GRXCR2: variants seen among roughly 807,000 people sequenced by gnomAD.
The protein encoded by GRXCR2 is glutaredoxin and cysteine rich domain containing 2.
GRXCR2 carries 23 observed loss-of-function variants against 24.8 expected under a neutral mutation model. The observed-to-expected ratio is 0.93, with a 90% CI of 0.67 to 1.32. The LOEUF (loss-of-function observed/expected upper bound fraction) is 1.32. Ranked by LOEUF, GRXCR2 falls within the 40% of genes most tolerant of loss-of-function variation. GRXCR2 has a pLI of 0.00. For synonymous variants in GRXCR2, 130 were observed against 116.1 expected (o/e 1.12, Z -0.77); for missense variants, 315 against 303.4 (o/e 1.04, Z -0.28).
chr5:145,930,209 C>T (rs763887866), intron 2 of GRXCR2, among the ~76,000 whole-genome samples: 15 of 152,134 alleles, frequency 9.9e-5, no homozygotes, highest in Admixed American at 2.0e-4. Flanking sequence ...CTCAGCCTCC[C>T]AAGTAGCTGG....
chr5:145,908,914 C>G (rs1757125428), intron 2 of GRXCR2, among the ~76,000 whole-genome samples: 1 of 152,140 alleles, frequency 6.6e-6, no homozygotes, highest in Non-Finnish European at 1.5e-5. Flanking sequence ...GGGCACTGAC[C>G]CAAGACTTCT....
intron 2 of GRXCR2, among the ~76,000 whole-genome samples, chr5:145,900,236 T>C (rs1010690033): frequency 6.6e-6 from 1 of 152,026 alleles, no homozygotes; most frequent in African/African-American, 2.4e-5. Flanking sequence ...TAGTGAGTTC[T>C]TACGAGATCT....
chr5:145,917,189 T>A (rs1201761018), intron 2 of GRXCR2, among the ~76,000 whole-genome samples: 1 of 150,614 alleles, frequency 6.6e-6, no homozygotes, highest in Non-Finnish European at 1.5e-5. Context: ...TGCCTGTTAC[T>A]CCCACTCGCC....
rs140713353 is a variant in GRXCR2 at position 145,866,588 on chromosome 5, G to A, written c.477C>T (p.Asn159=). ...EEEAEEESLM[N]KEESYGGRDQ... The stretch of plus-strand genomic sequence containing the variant: ...CCCTGCCTCCATAGCTTTCTTCTTT[G>A]TTCATCAGAGACTCTTCCTCAGCCT... The change falls in exon 2 of 3, where the codon AAC becomes AAT. Residue 159 remains asparagine, a synonymous_variant. Transcript: ENST00000377976. The A allele has an allele frequency of 6.8e-6, 11 of 1,613,952 alleles. No individual in the cohort carries two copies. The African/African-American group carries it at 1.1e-4, about 16-fold the overall frequency.
At chr5:145,870,174 T>C (rs1019885340) in intron 1 of GRXCR2, among the ~76,000 whole-genome samples, 18 of 152,298 alleles carry the variant, frequency 1.2e-4, no homozygotes, top group African/African-American at 4.3e-4. Context: ...CCACCATTCA[T>C]CTCCAGAACG....
chr5:145,912,108 G>A (rs1757174597), intron 2 of GRXCR2, among the ~76,000 whole-genome samples: 2 of 152,188 alleles, frequency 1.3e-5, no homozygotes, highest in African/African-American at 2.4e-5. Flanking sequence ...AAAATAGGGT[G>A]TCACCTGACA....
chr5:145,866,585 T>C lies in GRXCR2; in HGVS notation c.480A>G (p.Lys160=), dbSNP rs778489752. The C allele has an allele frequency of 8.7e-6, 14 of 1,614,182 alleles. No individual in the cohort carries two copies. The highest frequency in any genetic ancestry group is 1.2e-5 in the Non-Finnish European group (14 of 1,180,008). ...GGTCCCTGCCTCCATAGCTTTCTTC[T>C]TTGTTCATCAGAGACTCTTCCTCAG... ...EEAEEESLMN[K]EESYGGRDQH... The change falls in exon 2 of 3, where the codon AAA becomes AAG. Residue 160 remains lysine, a synonymous_variant. Coordinates refer to ENST00000377976, the MANE Select transcript of GRXCR2 (RefSeq NM_001080516.2).
intron 2 of GRXCR2, among the ~76,000 whole-genome samples, chr5:145,895,231 G>A (rs1218494766): frequency 6.6e-6 from 1 of 151,994 alleles, no homozygotes; most frequent in Non-Finnish European, 1.5e-5. Context: ...GCACAAGACA[G>A]GGATGCCCTC....
chr5:145,925,528 C>A (rs1039204556), intron 2 of GRXCR2, among the ~76,000 whole-genome samples: 1 of 152,110 alleles, frequency 6.6e-6, no homozygotes, highest in South Asian at 2.1e-4. Flanking sequence ...TTCCAAGTCG[C>A]AAGCTTTCTC....
At chr5:145,878,096 G>C (rs181162983) in intron 2 of GRXCR2, among the ~76,000 whole-genome samples, 7 of 152,172 alleles carry the variant, frequency 4.6e-5, no homozygotes, top group Non-Finnish European at 8.8e-5. Context: ...GGAGAAACCA[G>C]AGCAGAAAAG....
chr5:145,872,006 A>C (rs1756538086), intron 1 of GRXCR2, among the ~76,000 whole-genome samples: 1 of 152,210 alleles, frequency 6.6e-6, no homozygotes, highest in Non-Finnish European at 1.5e-5. Context: ...AGTAATTGAA[A>C]TTCATAGATT....
rs34892428 is a variant in GRXCR2, at chr5:145,872,814, C to T, written c.155G>A (p.Ser52Asn). 0.033 allele frequency: 53,510 copies of T among 1,614,088 alleles called. 1,358 individuals carry two copies. Among genetic ancestry groups the T allele is most frequent in the African/African-American group, 0.11 (8,343 of 75,000 alleles). ...LESPKEEYPH[S>N]FLQESLETMD... ...TGTTTCAAGAGACTCTTGCAGAAAACTGTGAGGGTATTCCTCCTTTGGTGA... is the reference window on the plus strand; with the variant it reads ...TGTTTCAAGAGACTCTTGCAGAAAATTGTGAGGGTATTCCTCCTTTGGTGA... The change falls in exon 1 of 3, where the codon AGT becomes AAT. Residue 52 changes from serine (S) to asparagine (N), a missense_variant. Transcript: ENST00000377976.
chr5:145,900,272 C>T (rs563014202), intron 2 of GRXCR2, among the ~76,000 whole-genome samples: 1 of 151,990 alleles, frequency 6.6e-6, no homozygotes, highest in African/African-American at 2.4e-5. Context: ...TGTAGCACTT[C>T]CCCCTTCACT....
chr5:145,900,763 A>G (rs571812133), intron 2 of GRXCR2, among the ~76,000 whole-genome samples: 10 of 152,366 alleles, frequency 6.6e-5, no homozygotes, highest in African/African-American at 2.4e-4. Context: ...CAGAGCTGCC[A>G]TTGGACCTGG....
At chr5:145,900,911 T>C (rs78827149) in intron 2 of GRXCR2, among the ~76,000 whole-genome samples, 6 of 152,302 alleles carry the variant, frequency 3.9e-5, no homozygotes, top group East Asian at 3.9e-4. Flanking sequence ...CAGTGGTGGA[T>C]TGTATTTTTT....
At chr5:145,881,207 G>T (rs1756696109) in intron 2 of GRXCR2, among the ~76,000 whole-genome samples, 3 of 152,178 alleles carry the variant, frequency 2.0e-5, no homozygotes, top group Admixed American at 6.5e-5. Context: ...AAGAAATAAA[G>T]GGTATTCAAT....
At position 145,883,590 on chromosome 5, in the gene GRXCR2, G is replaced by C. The variant is rs1300627578; in HGVS notation, c.-69-16862C>G. Among the ~76,000 whole-genome samples, 3 of 152,142 alleles carry C rather than the reference G, an allele frequency of 2.0e-5. No individual in the cohort carries two copies. In the East Asian group the frequency reaches 5.8e-4, roughly 29 times the overall value. On this transcript the variant is annotated intron_variant, in intron 2 of 3. Transcript: ENST00000639411. ...ACCCAGCTGCAAAAAAATTCAATGG[G>C]TTATTGAAAGTAGAGGTGACAGCCA...
chr5:145,887,680 G>C (rs1395851320), intron 2 of GRXCR2, among the ~76,000 whole-genome samples: 2 of 152,142 alleles, frequency 1.3e-5, no homozygotes, highest in African/African-American at 2.4e-5. Context: ...TAGTGGGAGT[G>C]GGGAGCTTAG....
intron 2 of GRXCR2, among the ~76,000 whole-genome samples, chr5:145,907,697 G>A (rs1757111535): frequency 1.3e-5 from 2 of 152,112 alleles, no homozygotes; most frequent in South Asian, 2.1e-4. Context: ...AGGAGTTCCT[G>A]GTGAATCCGA....
Sources: gnomAD v4.1 joint callset for allele counts (sites outside exome capture counted in the v4.1 genomes callset) on GRCh38, gnomAD v4.1.1 for gene constraint, MANE v1.5 for transcripts, NCBI Gene and HGNC (gene_info 2026-07-23, HGNC 2026-07-21) for gene names.